The following VASH2 variants were observed in gnomAD, a reference collection of about 807,000 sequenced individuals.
VASH2 encodes the protein vasohibin 2.
VASH2 carries 28 observed loss-of-function variants against 37.2 expected under a neutral mutation model. The ratio of observed to expected loss-of-function variants is 0.75; its 90% CI spans 0.56 to 1.03. The LOEUF (loss-of-function observed/expected upper bound fraction) is 1.03, where lower values mean the gene tolerates loss of function less well. Among genes scored for constraint, VASH2 ranks in the 50% least tolerant of loss-of-function variants. VASH2 has a pLI of 0.00. For missense variants in VASH2, 419 were observed against 459.1 expected (o/e 0.91, Z 0.80); for synonymous variants, 188 against 174.7 (o/e 1.08, Z -0.60).
chr1:212,972,692 T>C lies in VASH2; in HGVS notation c.610T>C (p.Tyr204His), dbSNP rs1348837590. The C allele has an allele frequency of 6.2e-6, 10 of 1,614,112 alleles. No individual in the cohort carries two copies. The highest frequency in any genetic ancestry group is 1.3e-5 in the African/African-American group (1 of 74,938). ...VVLGIYCNGRYGSLGMSRRAE... is the reference protein window; with the variant it reads ...VVLGIYCNGRHGSLGMSRRAE... ...GCTGGGGATTTACTGCAATGGCCGC[T>C]ATGGCTCATTGGGCATGAGCCGCAG... Residue 204 changes from tyrosine to histidine, a missense_variant, in exon 6 of 8, where the codon TAT becomes CAT. Transcript: ENST00000517399.
intron 7 of VASH2, 65 bp downstream of exon 7, chr1:212,974,135 C>A: frequency 6.6e-7 from 1 of 1,503,878 alleles, no homozygotes; most frequent in Non-Finnish European, 8.9e-7. Context: ...TTGTCCTGGC[C>A]CATGGGGACA....
intron 3 of VASH2, among the ~76,000 whole-genome samples, chr1:212,965,397 T>A (rs1417894630): frequency 4.6e-5 from 7 of 152,092 alleles, no homozygotes; most frequent in Admixed American, 3.9e-4. Flanking sequence ...CTTGTTTTTT[T>A]AAAAAAAGAA....
intron 2 of VASH2, among the ~76,000 whole-genome samples, chr1:212,960,870 G>A (rs1002817268): frequency 2.6e-5 from 4 of 152,232 alleles, no homozygotes; most frequent in Non-Finnish European, 5.9e-5. Context: ...CATCAAGGAG[G>A]CATTAGCCTT....
At position 212,951,476 on chromosome 1, in the gene VASH2, C is replaced by T; in HGVS notation, c.-67C>T. ...CTCGCCGCGCCCGCGCGCACACGCC[C>T]CCCGCCGCCGCCGCCGCTGCCGCCG... On this transcript the variant is annotated 5_prime_UTR_variant, in exon 2 of 8. Coordinates refer to ENST00000517399, the MANE Select transcript of VASH2 (RefSeq NM_001301056.2). The surrounding 1 kb of genome is among the most constrained non-coding windows in gnomAD (Gnocchi z 4.4). The T allele has an allele frequency of 2.9e-6, 3 of 1,051,820 alleles. No individual in the cohort carries two copies. The highest frequency in any genetic ancestry group is 3.5e-6 in the Non-Finnish European group (3 of 856,312). The allele number at this position is 1,051,820 out of a possible 1,614,324, so 65.2% of individuals were successfully genotyped here.
Position 212,957,786 on chromosome 1 carries a change from T to C in VASH2, c.277-3380T>C, listed in dbSNP as rs141193014. On this transcript the variant is annotated intron_variant, in intron 2 of 7. Coordinates refer to ENST00000517399, the MANE Select transcript of VASH2 (RefSeq NM_001301056.2). ...CCACCATGCCCAGCTGATTTTTGTA[T>C]TTTTAGTTTCGCCCTGTTGGCCAGG... Among the ~76,000 whole-genome samples the C allele has an allele frequency of 3.5e-3, 532 of 152,212 alleles. 7 individuals are homozygous for C. The highest frequency in any genetic ancestry group is 0.012 in the African/African-American group (510 of 41,542).
intron 2 of VASH2, among the ~76,000 whole-genome samples, chr1:212,959,652 GCCCAGGCGGGGGGCAGCGTGCC>G (rs1329872352): frequency 6.6e-6 from 1 of 152,242 alleles, no homozygotes; most frequent in African/African-American, 2.4e-5. Flanking sequence ...AGACCCCGAT[GCCCAGGCGGGGGGCAGCGTGCC>G]CTCAGCCTCA....
chr1:212,970,871 CAG>C (rs1216089952), intron 5 of VASH2, among the ~76,000 whole-genome samples: 2 of 150,986 alleles, frequency 1.3e-5, no homozygotes, highest in Non-Finnish European at 2.9e-5. Context: ...GCCTGGGTGA[CAG>C]AGTGAGACTG....
intron 5 of VASH2, 145 bp downstream of exon 5, chr1:212,966,490 CTT>C: frequency 1.4e-6 from 1 of 700,462 alleles, no homozygotes; most frequent in Admixed American, 2.4e-5. Flanking sequence ...TGGTTCATCT[CTT>C]TAACTTTCAC....
At position 212,990,057 on chromosome 1, in the gene VASH2, G is replaced by T. The variant is rs895891043; in HGVS notation, c.*1473G>T. The T allele has an allele frequency of 1.3e-5, 2 of 149,834 alleles. No homozygotes were observed. The highest frequency in any genetic ancestry group is 1.3e-4 in the Admixed American group (2 of 15,006). 9.3% of individuals were successfully genotyped at this position (149,834 alleles called of 1,614,324 possible). A position where few individuals can be genotyped will look rare whatever the true frequency, so the allele number is the denominator to read the frequency against. ...TTTGACTGAAGGTGTTTATAGGAAG[G>T]AAGTTAAAAAAAAAAAAAGCTCATT... On this transcript the variant is annotated 3_prime_UTR_variant, in exon 8 of 8. Coordinates refer to ENST00000517399, the MANE Select transcript of VASH2 (RefSeq NM_001301056.2).
chr1:212,971,970 G>T lies in VASH2; in HGVS notation c.498-610G>T, dbSNP rs187631260. ...TACAAACAATTACAGTACAGGATGG[G>T]TAAGCACCAAGTGCCATGGGGGTTC... On this transcript the variant is annotated intron_variant, in intron 5 of 7. Coordinates refer to ENST00000517399, the MANE Select transcript of VASH2 (RefSeq NM_001301056.2). The surrounding 1 kb of genome is among the most constrained non-coding windows in gnomAD (Gnocchi z 4.0). Among the ~76,000 whole-genome samples, 1 of 152,320 alleles carries T rather than the reference G, an allele frequency of 6.6e-6. No homozygotes were observed. The highest frequency in any genetic ancestry group is 1.9e-4 in the East Asian group (1 of 5,184).
chr1:212,951,554 C>T lies in VASH2; in HGVS notation c.12C>T (p.Ser4=), dbSNP rs1666306051. MTG[S]AADTHRCPHP... ...GCCCAGGCCCCACCATGACCGGCTC[C>T]GCGGCCGACACTCACCGCTGCCCCC... The change falls in exon 2 of 8, where the codon TCC becomes TCT. Residue 4 remains serine, a synonymous_variant. Transcript: ENST00000517399. The surrounding 1 kb of genome is among the most constrained non-coding windows in gnomAD (Gnocchi z 4.4). 1.3e-6 allele frequency: 2 copies of T among 1,522,140 alleles called. No individual in the cohort carries two copies. The highest frequency in any genetic ancestry group is 8.8e-7 in the Non-Finnish European group (1 of 1,134,662). 94.3% of individuals were successfully genotyped at this position (1,522,140 alleles called of 1,614,324 possible). A position where few individuals can be genotyped will look rare whatever the true frequency, so the allele number is the denominator to read the frequency against.
At chr1:212,982,054 C>A (rs1005808833) in intron 7 of VASH2, among the ~76,000 whole-genome samples, 1 of 152,198 alleles carries the variant, frequency 6.6e-6, no homozygotes, top group African/African-American at 2.4e-5. Context: ...AGAATAACTT[C>A]TCTGTGGAAC....
At chr1:212,962,661 T>C (rs1558144060) in intron 3 of VASH2, among the ~76,000 whole-genome samples, 2 of 152,344 alleles carry the variant, frequency 1.3e-5, no homozygotes, top group East Asian at 3.9e-4. Context: ...GATTACTTGA[T>C]TGGCTTCTCT....
In VASH2 at chr1:212,991,528, T is replaced by A. The variant is rs1439949725; in HGVS notation, c.*2944T>A. 1 of 152,228 alleles carries A rather than the reference T, an allele frequency of 6.6e-6. No individual in the cohort carries two copies. Among genetic ancestry groups the A allele is most frequent in the East Asian group, 1.9e-4 (1 of 5,204 alleles). 9.4% of individuals were successfully genotyped at this position (152,228 alleles called of 1,614,324 possible). On this transcript the variant is annotated 3_prime_UTR_variant, in exon 8 of 8. Transcript: ENST00000517399. ...ATGTTTCAAGTTAATGTTTTTCTCA[T>A]CACTTGTATGTTTCTAACACAGCAT...
At chr1:212,968,164 A>G in intron 5 of VASH2, 13 of 976,520 alleles carry the variant, frequency 1.3e-5, no homozygotes, top group Non-Finnish European at 1.6e-5. Flanking sequence ...GGTATTTGCA[A>G]TGTGGAGCTC....
chr1:212,981,668 C>T (rs1274918570), intron 7 of VASH2, among the ~76,000 whole-genome samples: 5 of 152,192 alleles, frequency 3.3e-5, no homozygotes, highest in South Asian at 4.1e-4. Flanking sequence ...CAGGCTGTAC[C>T]GCCAGTCTGG....
At chr1:212,984,093 A>G (rs1558153160) in intron 7 of VASH2, among the ~76,000 whole-genome samples, 1 of 152,166 alleles carries the variant, frequency 6.6e-6, no homozygotes, top group Non-Finnish European at 1.5e-5. Flanking sequence ...TAATAAATAA[A>G]AGCTATTTAT....
chr1:212,951,910 T>TC lies in VASH2; in HGVS notation c.276+94dup. On this transcript the variant is annotated intron_variant, in intron 2 of 7. Coordinates refer to ENST00000517399, the MANE Select transcript of VASH2 (RefSeq NM_001301056.2). The surrounding 1 kb of genome is among the most constrained non-coding windows in gnomAD (Gnocchi z 4.4). ...CTATACATAGCAAACACAGGCAATC[T>TC]CCATTTTCCTAGTCCTGCTACAAAC... 1 of 1,397,452 alleles carries TC rather than the reference T, an allele frequency of 7.2e-7. No individual in the cohort carries two copies. Among genetic ancestry groups the TC allele is most frequent in the South Asian group, 1.4e-5 (1 of 72,844 alleles). 86.6% of individuals were successfully genotyped at this position (1,397,452 alleles called of 1,614,324 possible).
At chr1:212,956,318 C>T (rs1666488000) in intron 2 of VASH2, among the ~76,000 whole-genome samples, 1 of 151,872 alleles carries the variant, frequency 6.6e-6, no homozygotes, top group African/African-American at 2.4e-5. Context: ...CACTCCACTC[C>T]CTCCTCCTGC....
Sources: gnomAD v4.1 joint callset for allele counts (sites outside exome capture counted in the v4.1 genomes callset) on GRCh38, gnomAD v4.1.1 for gene constraint, Gnocchi (gnomAD v3.1) non-coding constraint, MANE v1.5 for transcripts, NCBI Gene and HGNC (gene_info 2026-07-23, HGNC 2026-07-21) for gene names.